MICU1: variants seen among roughly 807,000 people sequenced by gnomAD.
The protein encoded by MICU1 is mitochondrial calcium uptake 1, also known as calcium uptake protein 1, mitochondrial.
A neutral mutation model predicts 56.8 loss-of-function variants in MICU1; 45 were observed. That is an observed-to-expected ratio of 0.79 (90% CI 0.62 to 1.02). The LOEUF (loss-of-function observed/expected upper bound fraction) is 1.02. MICU1 is among the 50% of genes least tolerant of loss of function. MICU1 has a pLI of 0.00. For synonymous variants in MICU1, 186 were observed against 195.1 expected, an observed-to-expected ratio of 0.95 and a Z score of 0.39; for missense variants, 504 against 587.1, an observed-to-expected ratio of 0.86 and a Z score of 1.46.
At chr10:72,549,046 T>C (rs11815867) in intron 4 of MICU1, among the ~76,000 whole-genome samples, 85,814 of 151,976 alleles carry the variant, frequency 0.56, 25,609 homozygotes, top group Non-Finnish European at 0.68. Flanking sequence ...GGAGGGGTGA[T>C]GGTTCTATAT....
At chr10:72,598,405 G>A (rs1263776835) in intron 1 of MICU1, among the ~76,000 whole-genome samples, 1 of 151,958 alleles carries the variant, frequency 6.6e-6, no homozygotes, top group East Asian at 1.9e-4. Context: ...ACAGGCGCCC[G>A]CCACCACGTC....
chr10:72,388,375 T>G (rs958289928), intron 10 of MICU1, among the ~76,000 whole-genome samples: 6 of 152,220 alleles, frequency 3.9e-5, no homozygotes, highest in African/African-American at 1.4e-4. Context: ...TTTAAATAAC[T>G]TCAGGCTTTT....
At position 72,448,121 on chromosome 10, in the gene MICU1, A is replaced by G. The variant is rs971478; in HGVS notation, c.934-24750T>C. Among the ~76,000 whole-genome samples, 269 of 121,800 alleles carry G rather than the reference A, an allele frequency of 2.2e-3. 1 individual carries two copies. The highest frequency in any genetic ancestry group is 5.0e-3 in the African/African-American group (153 of 30,788). 79.9% of individuals were successfully genotyped at this position (121,800 alleles called of 152,430 possible). On this transcript the variant is annotated intron_variant, in intron 8 of 11. Coordinates refer to ENST00000361114, the MANE Select transcript of MICU1 (RefSeq NM_001195518.2). Reference sequence around the variant, plus strand: ...GGCACCATGGAAAAAGTTTATATATATGTGTGTGTGTGTGTGTGTGTGTGT... The same window carrying G: ...GGCACCATGGAAAAAGTTTATATATGTGTGTGTGTGTGTGTGTGTGTGTGT...
intron 8 of MICU1, 89 bp from the exon 9 acceptor site, chr10:72,423,460 A>G: frequency 7.0e-7 from 1 of 1,422,160 alleles, no homozygotes; most frequent in Non-Finnish European, 9.4e-7. Context: ...TTGATGGCAG[A>G]AAATAGCTGA....
chr10:72,557,606 G>A (rs186858942), intron 3 of MICU1, among the ~76,000 whole-genome samples: 6 of 152,290 alleles, frequency 3.9e-5, no homozygotes, highest in African/African-American at 7.2e-5. Context: ...GAGTTTTTAC[G>A]TCAGACAGAC....
chr10:72,497,311 GCCT>G (rs1452000063), intron 6 of MICU1, among the ~76,000 whole-genome samples: 1 of 152,100 alleles, frequency 6.6e-6, no homozygotes, highest in African/African-American at 2.4e-5. Context: ...ACCCACCTCA[GCCT>G]CCTAAAGTGC....
Position 72,609,836 on chromosome 10 carries a change from C to G in MICU1, c.-2+16174G>C, listed in dbSNP as rs1286012677. Reference sequence around the variant, plus strand: ...GGATCACGAGGTCAGGAGTTCAAGACCAGCCTGGCTAAGATGGTGAAACCC... The same window carrying G: ...GGATCACGAGGTCAGGAGTTCAAGAGCAGCCTGGCTAAGATGGTGAAACCC... On this transcript the variant is annotated intron_variant, in intron 1 of 11. Coordinates refer to ENST00000361114, the MANE Select transcript of MICU1 (RefSeq NM_001195518.2). Among the ~76,000 whole-genome samples, 14 of 151,194 alleles carry G rather than the reference C, an allele frequency of 9.3e-5. No homozygotes were observed. The East Asian group carries it at 2.7e-3, about 29-fold the overall frequency.
intron 1 of MICU1, among the ~76,000 whole-genome samples, chr10:72,612,932 C>T (rs1213652861): frequency 1.3e-5 from 2 of 151,884 alleles, no homozygotes; most frequent in Non-Finnish European, 2.9e-5. Flanking sequence ...GATGCAGTAT[C>T]TGTAAGACAA....
At chr10:72,498,091 C>T (rs1474740331) in intron 6 of MICU1, among the ~76,000 whole-genome samples, 1 of 152,170 alleles carries the variant, frequency 6.6e-6, no homozygotes, top group African/African-American at 2.4e-5. Context: ...GTGAACATTG[C>T]TTTTAAATTA....
intron 6 of MICU1, among the ~76,000 whole-genome samples, chr10:72,477,928 G>A (rs1255587341): frequency 6.8e-6 from 1 of 147,222 alleles, no homozygotes; most frequent in Non-Finnish European, 1.5e-5. Flanking sequence ...GAGTGCAGTA[G>A]TGCCATCTTG....
chr10:72,545,952 T>A (rs768841266), intron 4 of MICU1, among the ~76,000 whole-genome samples: 1 of 152,210 alleles, frequency 6.6e-6, no homozygotes, highest in African/African-American at 2.4e-5. Context: ...ATCTTAAATA[T>A]CTGTTTTAAT....
At chr10:72,375,673 G>C in intron 11 of MICU1, 110 bp downstream of exon 11, 1 of 978,728 alleles carries the variant, frequency 1.0e-6, no homozygotes, top group Non-Finnish European at 1.5e-6. Flanking sequence ...TGGGTAGCTT[G>C]AAGAGGATGG....
intron 10 of MICU1, among the ~76,000 whole-genome samples, chr10:72,397,233 GA>G: frequency 6.6e-6 from 1 of 152,330 alleles, no homozygotes; most frequent in Non-Finnish European, 1.5e-5. Flanking sequence ...AGCAAATGCT[GA>G]GAGATTTTGT....
chr10:72,495,255 C>T (rs1267729982), intron 6 of MICU1, among the ~76,000 whole-genome samples: 1 of 151,014 alleles, frequency 6.6e-6, no homozygotes, highest in Non-Finnish European at 1.5e-5. Context: ...AAAAAATCAT[C>T]TGCTTGAATT....
chr10:72,601,958 C>G (rs1050116825), intron 1 of MICU1, among the ~76,000 whole-genome samples: 1 of 151,540 alleles, frequency 6.6e-6, no homozygotes, highest in Non-Finnish European at 1.5e-5. Flanking sequence ...TGCCACCATG[C>G]CTGGCTAATT....
At chr10:72,504,431 A>G (rs1444385816) in intron 6 of MICU1, among the ~76,000 whole-genome samples, 1 of 152,230 alleles carries the variant, frequency 6.6e-6, no homozygotes, top group Non-Finnish European at 1.5e-5. Context: ...CATATGCAGA[A>G]GAATGAAACT....
intron 5 of MICU1, among the ~76,000 whole-genome samples, chr10:72,520,011 T>C (rs542454160): frequency 2.2e-4 from 33 of 152,314 alleles, no homozygotes; most frequent in African/African-American, 7.2e-4. Flanking sequence ...ATTAATATTT[T>C]GCTACATTGC....
At chr10:72,369,139 A>T (rs1483025607) in intron 11 of MICU1, among the ~76,000 whole-genome samples, 1 of 151,892 alleles carries the variant, frequency 6.6e-6, no homozygotes, top group Non-Finnish European at 1.5e-5. Flanking sequence ...TTAACTGGGC[A>T]TGGTGGTGGA....
intron 8 of MICU1, among the ~76,000 whole-genome samples, chr10:72,461,699 C>T (rs1478122431): frequency 6.6e-6 from 1 of 152,210 alleles, no homozygotes; most frequent in Admixed American, 6.5e-5. Flanking sequence ...CCTGTAATCC[C>T]AGCACTTTGG....
Sources: gnomAD v4.1 joint callset for allele counts (sites outside exome capture counted in the v4.1 genomes callset) on GRCh38, gnomAD v4.1.1 for gene constraint, MANE v1.5 for transcripts, NCBI Gene and HGNC (gene_info 2026-07-23, HGNC 2026-07-21) for gene names.